Variants in ARHGAP32 observed in about 807,000 individuals in gnomAD.
ARHGAP32 encodes the protein Rho GTPase activating protein 32, also known as rho GTPase-activating protein 32.
In ARHGAP32, 51 loss-of-function variants were observed where a neutral mutation model predicts 186.5. That is an observed-to-expected ratio of 0.27 (90% CI 0.22 to 0.35). The LOEUF (loss-of-function observed/expected upper bound fraction) is 0.35, where lower values mean the gene tolerates loss of function less well. Among genes scored for constraint, ARHGAP32 ranks in the 10% least tolerant of loss-of-function variants. The probability of loss-of-function intolerance (pLI) is 1.00; values close to 1 mark genes in which losing one functional copy is unlikely to be tolerated. For synonymous variants in ARHGAP32, 950 were observed against 964.3 expected, an observed-to-expected ratio of 0.99 and a Z score of 0.27; for missense variants, 2,186 against 2,623.5, an observed-to-expected ratio of 0.83 and a Z score of 3.64.
intron 1 of ARHGAP32, among the ~76,000 whole-genome samples, chr11:129,273,296 A>G (rs1945493453): frequency 6.6e-6 from 1 of 152,214 alleles, no homozygotes; most frequent in African/African-American, 2.4e-5. Flanking sequence ...AGATGTACTC[A>G]GTGGATACTT....
At chr11:129,195,021 G>T (rs552454288), upstream of ARHGAP32, among the ~76,000 whole-genome samples, 12 of 151,286 alleles carry the variant, frequency 7.9e-5, no homozygotes, top group Admixed American at 5.3e-4. Context: ...CTAGGCTGGA[G>T]TGCAGTGGCA....
At chr11:129,162,995 A>G (rs1943562034) in intron 2 of ARHGAP32, among the ~76,000 whole-genome samples, 1 of 152,206 alleles carries the variant, frequency 6.6e-6, no homozygotes, top group South Asian at 2.1e-4. Flanking sequence ...GTAAATTTCC[A>G]TACTGCAAAT....
chr11:129,062,387 G>T, intron 9 of ARHGAP32, 30 bp from the exon 10 acceptor site: 1 of 1,583,652 alleles, frequency 6.3e-7, no homozygotes, highest in Middle Eastern at 1.7e-4. Context: ...AAGCAAAATG[G>T]TTTTAGTTAA....
intron 11 of ARHGAP32, among the ~76,000 whole-genome samples, chr11:129,036,247 G>A (rs1291118100): frequency 6.6e-6 from 1 of 151,890 alleles, no homozygotes; most frequent in Non-Finnish European, 1.5e-5. Flanking sequence ...GGGCATGGTG[G>A]CATATGCCTG....
intron 2 of ARHGAP32, among the ~76,000 whole-genome samples, chr11:129,133,044 G>T (rs1318709874): frequency 6.6e-6 from 1 of 152,122 alleles, no homozygotes; most frequent in Non-Finnish European, 1.5e-5. Flanking sequence ...AAGCATGACT[G>T]GCGAGGCCTC....
At chr11:129,250,990 A>G (rs2135690039) in intron 1 of ARHGAP32, among the ~76,000 whole-genome samples, 1 of 152,356 alleles carries the variant, frequency 6.6e-6, no homozygotes, top group South Asian at 2.1e-4. Context: ...AAAAAGTTAC[A>G]CTGCATGCTA....
At chr11:129,129,147 T>C (rs1471975678) in intron 2 of ARHGAP32, among the ~76,000 whole-genome samples, 6 of 147,342 alleles carry the variant, frequency 4.1e-5, no homozygotes, top group Non-Finnish European at 3.0e-5. Context: ...GGAGTGTCTC[T>C]GCCCGGCCGC....
At chr11:129,075,002 A>C (rs537599571) in intron 6 of ARHGAP32, among the ~76,000 whole-genome samples, 48 of 152,342 alleles carry the variant, frequency 3.2e-4, no homozygotes, top group African/African-American at 1.0e-3. Flanking sequence ...CACATTCTAC[A>C]CCTTAAATAT....
At chr11:129,060,820 T>A (rs1417036203) in intron 10 of ARHGAP32, among the ~76,000 whole-genome samples, 2 of 59,306 alleles carry the variant, frequency 3.4e-5, no homozygotes, top group East Asian at 5.4e-4. Context: ...AAAAAAAAAT[T>A]ATACATCAGA....
At chr11:129,108,646 T>C (rs1003528596) in intron 5 of ARHGAP32, among the ~76,000 whole-genome samples, 1 of 152,152 alleles carries the variant, frequency 6.6e-6, no homozygotes, top group Non-Finnish European at 1.5e-5. Context: ...CTTTGCTGAT[T>C]TGTGAAGTGG....
At chr11:129,243,485 G>A (rs1489373299) in intron 1 of ARHGAP32, among the ~76,000 whole-genome samples, 1 of 152,022 alleles carries the variant, frequency 6.6e-6, no homozygotes, top group Non-Finnish European at 1.5e-5. Flanking sequence ...ATAATAAGTG[G>A]AAAAAAATAG....
chr11:129,135,627 C>CGTG lies in ARHGAP32; in HGVS notation c.226-10736_226-10734dup, dbSNP rs531374254. On this transcript the variant is annotated intron_variant, in intron 2 of 22. Transcript: ENST00000682385. ...CTAAAAATACAAAAAATTAGCCAGG[C>CGTG]GTGGTGGCAGGTGCCTGTAGTCCCA... Among the ~76,000 whole-genome samples, 4 of 152,112 alleles carry CGTG rather than the reference C, an allele frequency of 2.6e-5. No homozygotes were observed. The South Asian group carries it at 8.3e-4, about 32-fold the overall frequency.
chr11:129,144,174 A>G (rs1191959496), intron 2 of ARHGAP32, among the ~76,000 whole-genome samples: 1 of 152,174 alleles, frequency 6.6e-6, no homozygotes, highest in Non-Finnish European at 1.5e-5. Flanking sequence ...ACAAACTACA[A>G]TTTTCTTTAC....
intron 2 of ARHGAP32, among the ~76,000 whole-genome samples, chr11:129,156,441 C>T (rs1031218440): frequency 6.6e-6 from 1 of 152,146 alleles, no homozygotes; most frequent in African/African-American, 2.4e-5. Context: ...CTTGAACAGG[C>T]AATTTTCCCC....
intron 15 of ARHGAP32, among the ~76,000 whole-genome samples, chr11:128,983,445 G>A (rs1388949771): frequency 2.0e-5 from 3 of 150,728 alleles, no homozygotes; most frequent in Non-Finnish European, 4.4e-5. Context: ...ATTGAACAAT[G>A]AGATCACATG....
intron 2 of ARHGAP32, among the ~76,000 whole-genome samples, chr11:129,140,880 G>A (rs1215992035): frequency 6.6e-6 from 1 of 152,184 alleles, no homozygotes. Flanking sequence ...CCTAAAGGGA[G>A]GAAAATTTAA....
Position 128,973,224 on chromosome 11 carries a change from A to G in ARHGAP32, c.3282T>C (p.Thr1094=). The stretch of plus-strand genomic sequence containing the variant: ...AGTAAGAACTGGACAGATTATCTTC[A>G]GTTGTAGCCACCGCTATGTCTCCAT... ...TNYGDIAVAT[T]EDNLSSSYSA... The change falls in exon 22 of 23, where the codon ACT becomes ACC. Residue 1094 remains threonine, a synonymous_variant. Coordinates refer to ENST00000682385, the MANE Select transcript of ARHGAP32 (RefSeq NM_001378024.1). The G allele has an allele frequency of 6.2e-7, 1 of 1,614,154 alleles. No individual in the cohort carries two copies. The highest frequency in any genetic ancestry group is 2.2e-5 in the East Asian group (1 of 44,878).
chr11:129,188,316 C>G (rs181185246), intron 1 of ARHGAP32, among the ~76,000 whole-genome samples: 4 of 152,132 alleles, frequency 2.6e-5, no homozygotes, highest in African/African-American at 4.8e-5. Context: ...GGCTGGGAAG[C>G]CTGAAATCAA....
At chr11:129,027,821 T>C (rs1213374811) in intron 11 of ARHGAP32, among the ~76,000 whole-genome samples, 1 of 152,240 alleles carries the variant, frequency 6.6e-6, no homozygotes, top group Non-Finnish European at 1.5e-5. Context: ...GCTCTCCTTC[T>C]AGTCACACGT....
Sources: gnomAD v4.1 joint callset for allele counts (sites outside exome capture counted in the v4.1 genomes callset) on GRCh38, gnomAD v4.1.1 for gene constraint, MANE v1.5 for transcripts, NCBI Gene and HGNC (gene_info 2026-07-23, HGNC 2026-07-21) for gene names.